The following ZAR1L variants were observed in gnomAD, a reference collection of about 807,000 sequenced individuals.
ZAR1L encodes the protein zygote arrest 1 like, also known as protein ZAR1-like.
Under a neutral mutation model 30.0 loss-of-function variants are expected in ZAR1L, and 16 were observed. The ratio of observed to expected loss-of-function variants is 0.53; its 90% confidence interval spans 0.36 to 0.81. The LOEUF (loss-of-function observed/expected upper bound fraction) is 0.81. Among genes scored for constraint, ZAR1L ranks in the 30% least tolerant of loss-of-function variants. ZAR1L has a pLI of 0.00. For missense variants in ZAR1L, 392 were observed against 417.2 expected (o/e 0.94, Z 0.53); for synonymous variants, 197 against 166.8 (o/e 1.18, Z -1.40).
chr13:32,305,603 C>T (rs1312334719), intron 5 of ZAR1L, among the ~76,000 whole-genome samples: 2 of 152,234 alleles, frequency 1.3e-5, no homozygotes, highest in African/African-American at 4.8e-5. Context: ...ACTTTATATA[C>T]ATGAATTCAT....
chr13:32,310,850 T>A (rs2072207111), intron 3 of ZAR1L, 119 bp from the exon 4 acceptor site: 1 of 699,478 alleles, frequency 1.4e-6, no homozygotes, highest in Non-Finnish European at 2.5e-6. Flanking sequence ...GTATCTATTC[T>A]CAAGACTACG....
rs1253606239 is a variant in ZAR1L at position 32,303,741 on chromosome 13, A to G, written c.*138T>C. On this transcript the variant is annotated 3_prime_UTR_variant, in exon 6 of 6. Coordinates refer to ENST00000533490, the MANE Select transcript of ZAR1L (RefSeq NM_001136571.2). ...TATTTTATTCTATTCACATTGTACAATTGTTACACAATCTACAAAAAGTAC... is the reference window on the plus strand; with the variant it reads ...TATTTTATTCTATTCACATTGTACAGTTGTTACACAATCTACAAAAAGTAC... 1.3e-6 allele frequency: 1 copy of G among 789,960 alleles called. No homozygotes were observed. The highest frequency in any genetic ancestry group is 2.0e-6 in the Non-Finnish European group (1 of 509,022). The allele number at this position is 789,960 out of a possible 1,614,324, so 48.9% of individuals were successfully genotyped here.
In ZAR1L at chr13:32,311,228, G is replaced by C. The variant is rs535533648; in HGVS notation, c.654+44C>G. The C allele has an allele frequency of 1.4e-4, 213 of 1,496,556 alleles. No homozygotes were observed. In the East Asian group the frequency reaches 4.9e-3, roughly 34 times the overall value. 92.7% of individuals were successfully genotyped at this position (1,496,556 alleles called of 1,614,324 possible). ...CCCATAGATGGAAAAGGAGGGAGGG[G>C]ATGAGGCTGGTCGAGGACTAAGAAG... On this transcript the variant is annotated intron_variant, in intron 3 of 5. Transcript: ENST00000533490.
intron 5 of ZAR1L, among the ~76,000 whole-genome samples, chr13:32,306,052 G>A (rs2138685159): frequency 6.6e-6 from 1 of 152,276 alleles, no homozygotes; most frequent in South Asian, 2.1e-4. Context: ...GCAAAAAATT[G>A]AAGTTTTCTT....
chr13:32,306,757 C>A (rs1044604919), intron 5 of ZAR1L, among the ~76,000 whole-genome samples: 5 of 151,764 alleles, frequency 3.3e-5, no homozygotes, highest in African/African-American at 1.2e-4. Flanking sequence ...ATGGAGAAAC[C>A]CTGTCTATAC....
At chr13:32,306,930 C>CAAAAAAAAAAAAAAA (rs369500221) in intron 5 of ZAR1L, among the ~76,000 whole-genome samples, 2 of 59,088 alleles carry the variant, frequency 3.4e-5, no homozygotes, top group Non-Finnish European at 5.6e-5. Context: ...GACTCTATCT[C>CAAAAAAAAAAAAAAA]AAAAAAAAAA....
At chr13:32,308,811 C>T in intron 4 of ZAR1L, 51 bp from the exon 5 acceptor site, 1 of 1,251,574 alleles carries the variant, frequency 8.0e-7, no homozygotes, top group Non-Finnish European at 1.1e-6. Flanking sequence ...CACACCCACA[C>T]CCTGCAAAGG....
At chr13:32,307,531 A>G (rs2072185148) in intron 5 of ZAR1L, among the ~76,000 whole-genome samples, 1 of 148,540 alleles carries the variant, frequency 6.7e-6, no homozygotes, top group South Asian at 2.1e-4. Flanking sequence ...AAAAAAGGCA[A>G]GATTAACAAT....
Position 32,310,712 on chromosome 13 carries a change from C to T in ZAR1L, c.674G>A (p.Gly225Asp), listed in dbSNP as rs1272149986. Reference protein sequence around the residue: ...PNFQFLEPKYGYFHCKDCKTR... With the variant: ...PNFQFLEPKYDYFHCKDCKTR... Reference sequence around the variant, plus strand: ...CTTACAATCTTTACAGTGGAAATAGCCATATTTTGGTTCCAAAAACTGAAA... The same window carrying T: ...CTTACAATCTTTACAGTGGAAATAGTCATATTTTGGTTCCAAAAACTGAAA... Residue 225 changes from glycine to aspartate, a missense_variant, in exon 4 of 6, where the codon GGC (glycine) becomes GAC (aspartate). Coordinates refer to ENST00000533490, the MANE Select transcript of ZAR1L (RefSeq NM_001136571.2). 4 of 1,551,348 alleles carry T rather than the reference C, an allele frequency of 2.6e-6. No individual in the cohort carries two copies. The highest frequency in any genetic ancestry group is 3.5e-6 in the Non-Finnish European group (4 of 1,146,664).
chr13:32,311,134 T>G (rs2072209009), intron 3 of ZAR1L, 138 bp downstream of exon 3: 8 of 1,095,636 alleles, frequency 7.3e-6, no homozygotes, highest in Non-Finnish European at 1.0e-5. Context: ...GTGATATACA[T>G]ATTTTCAGAG....
At chr13:32,309,052 G>A (rs1280772323) in intron 4 of ZAR1L, among the ~76,000 whole-genome samples, 1 of 150,348 alleles carries the variant, frequency 6.7e-6, no homozygotes, top group Non-Finnish European at 1.5e-5. Context: ...GTGCAATGGT[G>A]GGAAATCGGC....
rs1287636109 is a variant in ZAR1L, at chr13:32,311,516, G to C, written c.410C>G (p.Thr137Ser). 6.5e-7 allele frequency: 1 copy of C among 1,538,512 alleles called. No individual in the cohort carries two copies. Among genetic ancestry groups the C allele is most frequent in the African/African-American group, 1.4e-5 (1 of 72,732 alleles). Residue 137 changes from threonine to serine, a missense_variant, in exon 3 of 6, where the codon ACC becomes AGC. Transcript: ENST00000533490. ...CAGGCGGATCAAGCCCCTGCGGCCGGTGGCGGGCGAAGTGACCCCACAGGC... is the reference window on the plus strand; with the variant it reads ...CAGGCGGATCAAGCCCCTGCGGCCGCTGGCGGGCGAAGTGACCCCACAGGC... ...LPACGVTSPA[T>S]GRRGLIRLRR... is the part of the protein sequence containing the mutation.
chr13:32,311,256 G>C lies in ZAR1L; in HGVS notation c.654+16C>G. 6.5e-7 allele frequency: 1 copy of C among 1,539,186 alleles called. No individual in the cohort carries two copies. Among genetic ancestry groups the C allele is most frequent in the Non-Finnish European group, 8.8e-7 (1 of 1,141,306 alleles). ...GAGGCTGGTCGAGGACTAAGAAGAG[G>C]GAAGAGAGGATCTACCTGGAAGTTG... On this transcript the variant is annotated intron_variant, in intron 3 of 5. Transcript: ENST00000533490.
chr13:32,312,535 G>C (rs377214615), intron 2 of ZAR1L, among the ~76,000 whole-genome samples: 2 of 152,206 alleles, frequency 1.3e-5, no homozygotes, highest in African/African-American at 4.8e-5. Context: ...AAAATGGATA[G>C]AGAAATTGTG....
chr13:32,303,795 T>G lies in ZAR1L; in HGVS notation c.*84A>C. The stretch of plus-strand genomic sequence containing the variant: ...AGCCTAGCCATTTTCCGATGCCAGG[T>G]CAGAGCCAAGTTGCAAAAAAGGAAG... On this transcript the variant is annotated 3_prime_UTR_variant, in exon 6 of 6. Transcript: ENST00000533490. 2 of 1,408,952 alleles carry G rather than the reference T, an allele frequency of 1.4e-6. No homozygotes were observed. The highest frequency in any genetic ancestry group is 1.9e-6 in the Non-Finnish European group (2 of 1,052,010). 87.3% of individuals were successfully genotyped at this position (1,408,952 alleles called of 1,614,324 possible).
chr13:32,304,722 T>G (rs190355959), intron 5 of ZAR1L, among the ~76,000 whole-genome samples: 185 of 152,288 alleles, frequency 1.2e-3, no homozygotes, highest in African/African-American at 4.1e-3. Flanking sequence ...CTATGGAAAC[T>G]GGTACAGTAC....
At chr13:32,308,874 T>C in intron 4 of ZAR1L, 114 bp from the exon 5 acceptor site, 1 of 688,164 alleles carries the variant, frequency 1.5e-6, no homozygotes, top group South Asian at 1.8e-5. Context: ...CTTCTACCCT[T>C]GCCTTGCCTT....
chr13:32,311,415 G>T lies in ZAR1L; in HGVS notation c.511C>A (p.Arg171=). ...TCCTGCCTGTCAGCTCCTGACCTCC[G>T]TGATGGTGGCTGCGGCTGGCTGGCC... is the stretch of plus-strand genomic sequence containing the variant. The part of the protein sequence containing the change: ...AEASQPQPPS[R]RSGADRQEEP... The change falls in exon 3 of 6, where the codon CGG becomes AGG. Residue 171 remains arginine, a synonymous_variant. Transcript: ENST00000533490. 6.5e-7 allele frequency: 1 copy of T among 1,550,046 alleles called. No individual in the cohort carries two copies. Among genetic ancestry groups the T allele is most frequent in the South Asian group, 1.2e-5 (1 of 84,066 alleles).
At chr13:32,309,702 T>C (rs1438982691) in intron 4 of ZAR1L, among the ~76,000 whole-genome samples, 1 of 152,254 alleles carries the variant, frequency 6.6e-6, no homozygotes, top group African/African-American at 2.4e-5. Flanking sequence ...TTTGTTTCCA[T>C]CACTCGTATC....
Sources: gnomAD v4.1 joint callset for allele counts (sites outside exome capture counted in the v4.1 genomes callset) on GRCh38, gnomAD v4.1.1 for gene constraint, MANE v1.5 for transcripts, NCBI Gene and HGNC (gene_info 2026-07-23, HGNC 2026-07-21) for gene names.